GPHN: variants seen among roughly 807,000 people sequenced by gnomAD.
The protein encoded by GPHN is gephyrin.
A neutral mutation model predicts 95.5 loss-of-function variants in GPHN; 17 were observed. The observed-to-expected ratio is 0.18, with a 90% CI of 0.12 to 0.27. The LOEUF is 0.27. Among genes scored for constraint, GPHN ranks in the 10% least tolerant of loss-of-function variants. The pLI is 1.00. For synonymous variants in GPHN, 320 were observed against 322.5 expected, an observed-to-expected ratio of 0.99 and a Z score of 0.08; for missense variants, 660 against 978.1, an observed-to-expected ratio of 0.67 and a Z score of 4.34.
the GPHN span, among the ~76,000 whole-genome samples, chr14:67,456,137 C>T: frequency 6.6e-6 from 1 of 152,044 alleles, no homozygotes; most frequent in Non-Finnish European, 1.5e-5. Context: ...ACCAAACAGC[C>T]CCATGAAAAG....
At chr14:66,992,406 A>G (rs1395410311) in intron 9 of GPHN, among the ~76,000 whole-genome samples, 1 of 152,202 alleles carries the variant, frequency 6.6e-6, no homozygotes, top group African/African-American at 2.4e-5. Context: ...CACCCAAAAT[A>G]AGACTACCTT....
At chr14:67,612,769 C>T in the GPHN span, among the ~76,000 whole-genome samples, 4 of 151,984 alleles carry the variant, frequency 2.6e-5, no homozygotes, top group African/African-American at 9.7e-5. Flanking sequence ...AGACCCTCCC[C>T]ATCTCTACTA....
At chr14:67,661,713 G>A in the GPHN span, among the ~76,000 whole-genome samples, 1 of 147,724 alleles carries the variant, frequency 6.8e-6, no homozygotes, top group African/African-American at 2.5e-5. Flanking sequence ...TTTTTGTTTG[G>A]TAGAGATGGG....
At chr14:67,534,901 G>T in the GPHN span, among the ~76,000 whole-genome samples, 1 of 152,204 alleles carries the variant, frequency 6.6e-6, no homozygotes, top group South Asian at 2.1e-4. Context: ...ATATGAAATG[G>T]TGTACATCAT....
chr14:66,792,635 C>G (rs1440894209), intron 3 of GPHN, among the ~76,000 whole-genome samples: 1 of 151,994 alleles, frequency 6.6e-6, no homozygotes, highest in Non-Finnish European at 1.5e-5. Flanking sequence ...AGCAGTTGAC[C>G]AGAGATAGTG....
At chr14:66,608,532 A>G (rs1039059584) in intron 1 of GPHN, among the ~76,000 whole-genome samples, 5 of 151,972 alleles carry the variant, frequency 3.3e-5, no homozygotes, top group African/African-American at 9.7e-5. Context: ...TAAGTCTGGA[A>G]TTTCTTTGTT....
intron 1 of GPHN, among the ~76,000 whole-genome samples, chr14:66,613,108 A>G (rs1464196329): frequency 6.6e-6 from 1 of 152,040 alleles, no homozygotes; most frequent in Non-Finnish European, 1.5e-5. Flanking sequence ...ATACTGAACC[A>G]TTGCTTCTAG....
the GPHN span, among the ~76,000 whole-genome samples, chr14:67,295,738 T>A: frequency 2.0e-5 from 3 of 152,302 alleles, no homozygotes; most frequent in East Asian, 5.8e-4. Context: ...ATGGAACAAC[T>A]GAAACTCTCA....
chr14:67,689,787 TAC>T, the GPHN span, among the ~76,000 whole-genome samples: 1 of 151,796 alleles, frequency 6.6e-6, no homozygotes, highest in African/African-American at 2.4e-5. Context: ...CTACTAAAAA[TAC>T]AAAAATTAGC....
chr14:67,219,254 G>T, the GPHN span, among the ~76,000 whole-genome samples: 1 of 152,178 alleles, frequency 6.6e-6, no homozygotes, highest in African/African-American at 2.4e-5. Context: ...AGCAATGGGG[G>T]CTGGTGGGGC....
At chr14:66,667,547 TG>T (rs1431136999) in intron 1 of GPHN, among the ~76,000 whole-genome samples, 1 of 152,108 alleles carries the variant, frequency 6.6e-6, no homozygotes, top group African/African-American at 2.4e-5. Context: ...AAACAAGCAA[TG>T]GGGAAAGGAT....
At chr14:67,239,151 T>G in the GPHN span, among the ~76,000 whole-genome samples, 1 of 152,280 alleles carries the variant, frequency 6.6e-6, no homozygotes, top group Admixed American at 6.5e-5. Flanking sequence ...CGGGTTCATT[T>G]GGGTGGAGGC....
chr14:67,602,575 G>A, the GPHN span, among the ~76,000 whole-genome samples: 2 of 152,170 alleles, frequency 1.3e-5, no homozygotes, highest in African/African-American at 4.8e-5. Context: ...ATGTTTTGGG[G>A]AAGCCTGTAG....
the GPHN span, among the ~76,000 whole-genome samples, chr14:67,478,523 C>T: frequency 1.1e-4 from 17 of 152,088 alleles, no homozygotes; most frequent in East Asian, 3.9e-4. Flanking sequence ...GTAGAAAAAA[C>T]GCAACCTTTC....
At chr14:67,460,533 G>A in the GPHN span, among the ~76,000 whole-genome samples, 5 of 152,074 alleles carry the variant, frequency 3.3e-5, no homozygotes, top group South Asian at 4.1e-4. Context: ...TGAAACCCCC[G>A]TCTCTACTAA....
intron 6 of GPHN, among the ~76,000 whole-genome samples, chr14:66,922,323 G>A (rs139677108): frequency 0.013 from 1,993 of 150,380 alleles, 22 homozygotes; most frequent in Non-Finnish European, 0.021. Flanking sequence ...CAATAATTAG[G>A]AGTAGTACAG....
At chr14:66,868,015 A>G (rs2063292515) in intron 4 of GPHN, among the ~76,000 whole-genome samples, 1 of 152,184 alleles carries the variant, frequency 6.6e-6, no homozygotes, top group African/African-American at 2.4e-5. Flanking sequence ...GGGCCCAGCA[A>G]TCTGTATTTT....
chr14:67,511,952 C>A, the GPHN span, among the ~76,000 whole-genome samples: 15 of 152,314 alleles, frequency 9.8e-5, no homozygotes, highest in South Asian at 3.1e-3. Context: ...AAACCACTGC[C>A]TTTTCCTTGA....
intron 4 of GPHN, among the ~76,000 whole-genome samples, chr14:66,853,254 T>C (rs1363986827): frequency 1.3e-5 from 2 of 152,202 alleles, no homozygotes; most frequent in Non-Finnish European, 2.9e-5. Context: ...AACAGACCAA[T>C]GTAACACTGA....
Sources: allele counts gnomAD v4.1 joint callset (sites outside exome capture counted in the v4.1 genomes callset), GRCh38; gene constraint gnomAD v4.1.1; transcripts MANE v1.5; gene names NCBI Gene and HGNC (gene_info 2026-07-23, HGNC 2026-07-21).